The following ZBTB20 variants were observed in gnomAD, a reference collection of about 807,000 sequenced individuals.
ZBTB20 encodes the protein zinc finger and BTB domain-containing protein 20.
In ZBTB20, 9 loss-of-function variants were observed where a neutral mutation model predicts 56.9. The ratio of observed to expected loss-of-function variants is 0.16; its 90% CI spans 0.10 to 0.28. The LOEUF (loss-of-function observed/expected upper bound fraction) is 0.28. Ranked by LOEUF, ZBTB20 falls within the 10% of genes least tolerant of loss-of-function variation. The probability of loss-of-function intolerance (pLI) is 1.00; values close to 1 mark genes in which losing one functional copy is unlikely to be tolerated. For missense variants in ZBTB20, 655 were observed against 1,003.0 expected, an observed-to-expected ratio of 0.65 and a Z score of 4.69; for synonymous variants, 417 against 420.7, an observed-to-expected ratio of 0.99 and a Z score of 0.11.
intron 6 of ZBTB20, among the ~76,000 whole-genome samples, chr3:114,620,304 T>A (rs538147642): frequency 6.6e-6 from 1 of 152,290 alleles, no homozygotes; most frequent in African/African-American, 2.4e-5. Context: ...TCTTTTCTTT[T>A]TTTTTGAGAT....
chr3:114,704,634 C>A (rs1353329196), intron 5 of ZBTB20, among the ~76,000 whole-genome samples: 2 of 152,116 alleles, frequency 1.3e-5, no homozygotes, highest in Admixed American at 1.3e-4. Context: ...AATGATATGT[C>A]ATAGACTACT....
intron 6 of ZBTB20, among the ~76,000 whole-genome samples, chr3:114,615,060 C>T (rs919305651): frequency 3.3e-5 from 5 of 152,150 alleles, no homozygotes. Context: ...AGCCACCGCG[C>T]CCAGCCTGTA....
At chr3:114,619,102 A>C (rs1377419711) in intron 6 of ZBTB20, among the ~76,000 whole-genome samples, 1 of 152,200 alleles carries the variant, frequency 6.6e-6, no homozygotes, top group African/African-American at 2.4e-5. Flanking sequence ...TGAGTGCAGC[A>C]TTCATAGCTT....
intron 6 of ZBTB20, among the ~76,000 whole-genome samples, chr3:114,602,044 A>G (rs746477905): frequency 2.6e-5 from 4 of 152,040 alleles, no homozygotes; most frequent in Non-Finnish European, 4.4e-5. Flanking sequence ...TCAGTGGTAG[A>G]GAAAAGGTCC....
intron 6 of ZBTB20, among the ~76,000 whole-genome samples, chr3:114,537,458 A>G (rs879704574): frequency 1.3e-5 from 2 of 152,240 alleles, no homozygotes; most frequent in East Asian, 3.8e-4. Context: ...GCCAGTTAGA[A>G]TGGCGATCAT....
intron 3 of ZBTB20, among the ~76,000 whole-genome samples, chr3:114,936,584 A>G (rs971210897): frequency 2.6e-5 from 4 of 152,224 alleles, no homozygotes; most frequent in Non-Finnish European, 2.9e-5. Context: ...TTTTTAATGA[A>G]TGGATAAATT....
intron 6 of ZBTB20, among the ~76,000 whole-genome samples, chr3:114,679,121 C>A (rs1442843373): frequency 6.6e-6 from 1 of 152,052 alleles, no homozygotes; most frequent in Non-Finnish European, 1.5e-5. Flanking sequence ...ACACCTTATA[C>A]AAAAATTAAT....
At chr3:115,144,335 C>T (rs1187357755) in intron 1 of ZBTB20, among the ~76,000 whole-genome samples, 1 of 152,156 alleles carries the variant, frequency 6.6e-6, no homozygotes, top group Admixed American at 6.5e-5. Flanking sequence ...ATTATTCAGA[C>T]TAGCCTTTTT....
At chr3:115,128,188 AT>A (rs1298103331) in intron 1 of ZBTB20, among the ~76,000 whole-genome samples, 1 of 152,238 alleles carries the variant, frequency 6.6e-6, no homozygotes, top group Non-Finnish European at 1.5e-5. Flanking sequence ...ATATTTAAAA[AT>A]ATGTCTATCT....
At chr3:114,848,424 C>T (rs1236932191) in intron 4 of ZBTB20, among the ~76,000 whole-genome samples, 2 of 152,136 alleles carry the variant, frequency 1.3e-5, no homozygotes, top group East Asian at 1.9e-4. Flanking sequence ...ATTATGAGAG[C>T]GTGTGAGCCA....
chr3:114,647,776 T>A (rs772865618), intron 6 of ZBTB20, among the ~76,000 whole-genome samples: 2 of 152,132 alleles, frequency 1.3e-5, no homozygotes, highest in South Asian at 2.1e-4. Context: ...ATGACAATTG[T>A]GGGAGAGAAA....
intron 6 of ZBTB20, among the ~76,000 whole-genome samples, chr3:114,692,034 G>C (rs754389136): frequency 6.6e-6 from 1 of 152,018 alleles, no homozygotes; most frequent in Non-Finnish European, 1.5e-5. Flanking sequence ...GAAAAGAAAC[G>C]TCAATACAGA....
At chr3:114,406,615 T>A (rs991647995) in intron 7 of ZBTB20, among the ~76,000 whole-genome samples, 5 of 151,722 alleles carry the variant, frequency 3.3e-5, no homozygotes, top group Non-Finnish European at 5.9e-5. Context: ...AAAAAGAACA[T>A]CTTTATTTTA....
At chr3:115,127,549 A>G (rs756835093) in intron 1 of ZBTB20, among the ~76,000 whole-genome samples, 9 of 152,180 alleles carry the variant, frequency 5.9e-5, no homozygotes, top group Non-Finnish European at 8.8e-5. Context: ...AGCTGAGATC[A>G]TGCCATGCAC....
intron 6 of ZBTB20, among the ~76,000 whole-genome samples, chr3:114,544,404 T>G (rs2049478329): frequency 6.9e-6 from 1 of 144,964 alleles, no homozygotes; most frequent in Non-Finnish European, 1.5e-5. Context: ...AAAACTAGAT[T>G]TCTTCTTTCT....
At position 114,888,125 on chromosome 3, in the gene ZBTB20, G is replaced by T. The variant is rs1335252905; in HGVS notation, c.-417+12179C>A. On this transcript the variant is annotated intron_variant, in intron 4 of 11. Transcript: ENST00000675478. ...AAAAAAAAGAAAGAAAGAAAGAAAAGAAAATTAATAGGCTGGGTGCAGTGG... is the reference window on the plus strand; with the variant it reads ...AAAAAAAAGAAAGAAAGAAAGAAAATAAAATTAATAGGCTGGGTGCAGTGG... Among the ~76,000 whole-genome samples the T allele has an allele frequency of 2.0e-5, 3 of 151,454 alleles. No individual in the cohort carries two copies. In the East Asian group the frequency reaches 5.8e-4, roughly 29 times the overall value.
intron 6 of ZBTB20, among the ~76,000 whole-genome samples, chr3:114,677,886 T>G (rs2061724630): frequency 6.6e-6 from 1 of 152,192 alleles, no homozygotes; most frequent in Non-Finnish European, 1.5e-5. Context: ...TTCTTTTAAA[T>G]CAAAGTTTTA....
At chr3:114,936,152 GA>G (rs937475902) in intron 3 of ZBTB20, among the ~76,000 whole-genome samples, 9 of 151,628 alleles carry the variant, frequency 5.9e-5, no homozygotes, top group South Asian at 2.1e-4. Flanking sequence ...AAATACAGAA[GA>G]AAAAAAACAA....
intron 7 of ZBTB20, among the ~76,000 whole-genome samples, chr3:114,390,976 A>C (rs1264822136): frequency 7.7e-6 from 1 of 130,140 alleles, no homozygotes; most frequent in Non-Finnish European, 1.6e-5. Flanking sequence ...CTGGGGAGTC[A>C]TCTTCAATTC....
Sources: gnomAD v4.1 joint callset for allele counts (sites outside exome capture counted in the v4.1 genomes callset) on GRCh38, gnomAD v4.1.1 for gene constraint, MANE v1.5 for transcripts, NCBI Gene and HGNC (gene_info 2026-07-23, HGNC 2026-07-21) for gene names.